The following DTNB variants were observed in gnomAD, a reference collection of about 807,000 sequenced individuals.
DTNB encodes dystrobrevin beta.
In DTNB, 63 loss-of-function variants were observed where a neutral mutation model predicts 90.7. That is an observed-to-expected ratio of 0.69 (90% CI 0.57 to 0.86). The LOEUF (loss-of-function observed/expected upper bound fraction) is 0.86. Ranked by LOEUF, DTNB falls within the 40% of genes least tolerant of loss-of-function variation. The pLI is 0.00. For missense variants in DTNB, 744 were observed against 807.1 expected, an observed-to-expected ratio of 0.92 and a Z score of 0.95; for synonymous variants, 277 against 286.7, an observed-to-expected ratio of 0.97 and a Z score of 0.34.
intron 6 of DTNB, among the ~76,000 whole-genome samples, chr2:25,595,726 A>C (rs1335589687): frequency 1.3e-5 from 2 of 152,220 alleles, no homozygotes; most frequent in Admixed American, 1.3e-4. Flanking sequence ...CTCAGGAAAC[A>C]ATGCAGTATT....
Position 25,558,484 on chromosome 2 carries a change from T to C in DTNB, c.876+18354A>G, listed in dbSNP as rs1019278904. ...GATGACTGCCACAGGAAATTGCTCA[T>C]TTGAAGAACTGCTTGGTTTAAGCTA... On this transcript the variant is annotated intron_variant, in intron 8 of 20. Transcript: ENST00000406818. The C allele has an allele frequency of 2.1e-5, 18 of 847,930 alleles. No homozygotes were observed. The African/African-American group carries it at 3.3e-4, about 16-fold the overall frequency. 52.5% of individuals were successfully genotyped at this position (847,930 alleles called of 1,614,324 possible).
intron 5 of DTNB, among the ~76,000 whole-genome samples, chr2:25,604,723 G>T (rs1350701022): frequency 1.3e-5 from 2 of 152,138 alleles, no homozygotes; most frequent in African/African-American, 2.4e-5. Context: ...CCGAGTAGCT[G>T]GGATTATAGG....
intron 9 of DTNB, among the ~76,000 whole-genome samples, chr2:25,491,158 G>GACACACACAA (rs2067359597): frequency 3.5e-4 from 53 of 150,628 alleles, no homozygotes; most frequent in Middle Eastern, 3.4e-3. Flanking sequence ...CACACACACA[G>GACACACACAA]ACACACACAC....
intron 12 of DTNB, among the ~76,000 whole-genome samples, chr2:25,438,026 A>G (rs1482744511): frequency 6.6e-6 from 1 of 152,178 alleles, no homozygotes. Flanking sequence ...GCTCTCAGAG[A>G]CTCAATGAAG....
At chr2:25,591,933 C>T (rs909899037) in intron 6 of DTNB, among the ~76,000 whole-genome samples, 1 of 151,680 alleles carries the variant, frequency 6.6e-6, no homozygotes, top group African/African-American at 2.4e-5. Context: ...TGGTGGCAGG[C>T]ACCTGTAATC....
At chr2:25,575,346 T>C (rs2060496210) in intron 8 of DTNB, among the ~76,000 whole-genome samples, 1 of 152,118 alleles carries the variant, frequency 6.6e-6, no homozygotes, top group Admixed American at 6.5e-5. Flanking sequence ...TAAATTTTCT[T>C]TATTCAATGA....
chr2:25,575,681 C>T (rs2060550734), intron 8 of DTNB, among the ~76,000 whole-genome samples: 1 of 152,132 alleles, frequency 6.6e-6, no homozygotes, highest in African/African-American at 2.4e-5. Flanking sequence ...AAAATAAAAA[C>T]TGGTTATTAA....
chr2:25,476,085 T>G (rs2063693359), intron 10 of DTNB, among the ~76,000 whole-genome samples: 2 of 101,794 alleles, frequency 2.0e-5, no homozygotes, highest in Non-Finnish European at 2.0e-5. Context: ...TTTTTTTTTT[T>G]GAGAAGTAGT....
intron 10 of DTNB, among the ~76,000 whole-genome samples, chr2:25,477,584 T>C (rs1224321635): frequency 1.3e-5 from 2 of 152,170 alleles, no homozygotes; most frequent in African/African-American, 2.4e-5. Context: ...CCCAAGTCAA[T>C]ACATCATCAA....
At chr2:25,549,967 T>C (rs1298000090) in intron 8 of DTNB, among the ~76,000 whole-genome samples, 1 of 151,884 alleles carries the variant, frequency 6.6e-6, no homozygotes, top group Non-Finnish European at 1.5e-5. Context: ...AGCCAGTATA[T>C]CTTTAAACAG....
chr2:25,524,899 C>T (rs2076803100), intron 9 of DTNB, among the ~76,000 whole-genome samples: 1 of 152,162 alleles, frequency 6.6e-6, no homozygotes, highest in South Asian at 2.1e-4. Context: ...TATTATTACT[C>T]GTGCTATCCT....
intron 7 of DTNB, among the ~76,000 whole-genome samples, chr2:25,580,345 AC>A (rs2061381638): frequency 6.6e-6 from 1 of 150,688 alleles, no homozygotes; most frequent in Non-Finnish European, 1.5e-5. Context: ...GCATAGTGAA[AC>A]CCCATCTCTA....
intron 10 of DTNB, among the ~76,000 whole-genome samples, chr2:25,466,560 C>G (rs559876629): frequency 3.3e-5 from 5 of 152,098 alleles, no homozygotes; most frequent in Admixed American, 2.6e-4. Context: ...CTCCTGTGGC[C>G]GAGTCACTCA....
chr2:25,580,670 T>C, intron 7 of DTNB, 51 bp downstream of exon 7: 1 of 1,486,442 alleles, frequency 6.7e-7, no homozygotes, highest in East Asian at 2.3e-5. Context: ...AAATAATCAG[T>C]TCCTATACTT....
chr2:25,388,454 C>G, intron 16 of DTNB, 93 bp from the exon 17 acceptor site: 1 of 1,450,042 alleles, frequency 6.9e-7, no homozygotes, highest in Non-Finnish European at 9.1e-7. Flanking sequence ...CCAGAGCCAG[C>G]CAGTGGGCCT....
intron 9 of DTNB, among the ~76,000 whole-genome samples, chr2:25,498,457 G>A (rs934148303): frequency 6.6e-6 from 1 of 152,026 alleles, no homozygotes; most frequent in African/African-American, 2.4e-5. Context: ...AAATAACAGT[G>A]GGATATCATC....
intron 13 of DTNB, among the ~76,000 whole-genome samples, chr2:25,433,457 C>T (rs1380939348): frequency 4.6e-5 from 7 of 152,092 alleles, no homozygotes; most frequent in African/African-American, 1.7e-4. Flanking sequence ...GTCTCCACAT[C>T]CTGGCTTCTA....
intron 3 of DTNB, among the ~76,000 whole-genome samples, chr2:25,634,968 CTTGT>C (rs1237228925): frequency 1.5e-5 from 2 of 136,594 alleles, no homozygotes; most frequent in South Asian, 4.9e-4. Context: ...CCTTTGTTCA[CTTGT>C]TTATCTGCTG....
chr2:25,617,937 T>C (rs1193447249), intron 4 of DTNB, among the ~76,000 whole-genome samples: 1 of 152,180 alleles, frequency 6.6e-6, no homozygotes, highest in Non-Finnish European at 1.5e-5. Context: ...CAGTATAACT[T>C]GGCATAAAGA....
Sources: allele counts gnomAD v4.1 joint callset (sites outside exome capture counted in the v4.1 genomes callset), GRCh38; gene constraint gnomAD v4.1.1; transcripts MANE v1.5; gene names NCBI Gene and HGNC (gene_info 2026-07-23, HGNC 2026-07-21).